The following SPEF2 variants were observed in gnomAD, a reference collection of about 807,000 sequenced individuals.
SPEF2 encodes the protein sperm flagella and cilia-associated protein 2.
In SPEF2, 187 loss-of-function variants were observed where a neutral mutation model predicts 224.6. That is an observed-to-expected ratio of 0.83 (90% confidence interval 0.74 to 0.94). The LOEUF (loss-of-function observed/expected upper bound fraction) is 0.94, where lower values mean the gene tolerates loss of function less well. Among genes scored for constraint, SPEF2 ranks in the 40% least tolerant of loss-of-function variants. The pLI is 0.00. For missense variants in SPEF2, 2,170 were observed against 2,135.6 expected, an observed-to-expected ratio of 1.02 and a Z score of -0.32; for synonymous variants, 715 against 707.3, an observed-to-expected ratio of 1.01 and a Z score of -0.17.
intron 10 of SPEF2, among the ~76,000 whole-genome samples, chr5:35,671,796 A>G (rs1751248532): frequency 6.6e-6 from 1 of 151,910 alleles, no homozygotes; most frequent in Non-Finnish European, 1.5e-5. Context: ...AGAAAATTGT[A>G]AACTTTTGTT....
At chr5:35,709,552 A>G (rs944901149) in intron 19 of SPEF2, 5 of 987,078 alleles carry the variant, frequency 5.1e-6, no homozygotes, top group African/African-American at 3.5e-5. Context: ...AACAGCAACC[A>G]TTAGAACTAG....
At position 35,780,547 on chromosome 5, in the gene SPEF2, C is replaced by T. The variant is rs185572676; in HGVS notation, c.4447+1201C>T. On this transcript the variant is annotated intron_variant, in intron 30 of 36. Coordinates refer to ENST00000356031, the MANE Select transcript of SPEF2 (RefSeq NM_024867.4). The stretch of plus-strand genomic sequence containing the variant: ...GGCCATCAGCAGGTACAAAAAATCT[C>T]GACTTTACAAATCAGTCCATGAAAT... Among the ~76,000 whole-genome samples the T allele has an allele frequency of 5.3e-5, 8 of 152,294 alleles. No homozygotes were observed. In the South Asian group the frequency reaches 8.3e-4, roughly 16 times the overall value.
chr5:35,762,046 A>G (rs1160462322), intron 25 of SPEF2, among the ~76,000 whole-genome samples: 3 of 152,222 alleles, frequency 2.0e-5, no homozygotes, highest in Non-Finnish European at 2.9e-5. Flanking sequence ...CAACAACCCT[A>G]TAGCAATAAT....
chr5:35,635,843 CT>C (rs1213170813), intron 2 of SPEF2, among the ~76,000 whole-genome samples: 1 of 151,548 alleles, frequency 6.6e-6, no homozygotes, highest in East Asian at 1.9e-4. Flanking sequence ...GTGTGCTGCA[CT>C]TTTTTTTTCT....
chr5:35,724,295 A>G (rs1744254507), intron 20 of SPEF2, among the ~76,000 whole-genome samples: 1 of 152,182 alleles, frequency 6.6e-6, no homozygotes, highest in South Asian at 2.1e-4. Flanking sequence ...CAATAATGTT[A>G]CAATTGTTTA....
At chr5:35,625,712 G>A (rs1264041729) in intron 1 of SPEF2, among the ~76,000 whole-genome samples, 1 of 152,124 alleles carries the variant, frequency 6.6e-6, no homozygotes. Flanking sequence ...GAAGGGAAGA[G>A]GCAGACAGAA....
At chr5:35,802,431 G>A (rs1170135597) in intron 34 of SPEF2, among the ~76,000 whole-genome samples, 1 of 152,144 alleles carries the variant, frequency 6.6e-6, no homozygotes, top group Non-Finnish European at 1.5e-5. Flanking sequence ...TCGGGGGTAT[G>A]GCAGTGAACA....
rs1268366158 is a variant in SPEF2 at position 35,807,110 on chromosome 5, CA to C, written c.5257-20del. 2.5e-6 allele frequency: 4 copies of C among 1,597,716 alleles called. No individual in the cohort carries two copies. The African/African-American group carries it at 4.1e-5, about 16-fold the overall frequency. ...ACTGGATTGTGAGGTTGATTAACTT[CA>C]TTTTTTTTCTTCCTTAAAGGGCTTC... On this transcript the variant is annotated intron_variant, in intron 35 of 36. Transcript: ENST00000356031.
intron 8 of SPEF2, among the ~76,000 whole-genome samples, chr5:35,663,866 A>T (rs1750066611): frequency 6.6e-6 from 1 of 152,168 alleles, no homozygotes; most frequent in African/African-American, 2.4e-5. Context: ...TTGAGACCTC[A>T]GCTACTGCAG....
intron 5 of SPEF2, among the ~76,000 whole-genome samples, chr5:35,648,125 C>T (rs901752366): frequency 1.6e-4 from 24 of 152,074 alleles, no homozygotes; most frequent in African/African-American, 5.6e-4. Flanking sequence ...TTTCCCATTT[C>T]GTAGATGAGG....
chr5:35,696,437 G>T (rs1476146026), intron 14 of SPEF2, among the ~76,000 whole-genome samples: 6 of 152,046 alleles, frequency 3.9e-5, no homozygotes, highest in Non-Finnish European at 8.8e-5. Flanking sequence ...AGGGAAATGG[G>T]TTCAGAAAAA....
intron 1 of SPEF2, among the ~76,000 whole-genome samples, chr5:35,619,695 A>AAAAC (rs149277440): frequency 4.4e-4 from 67 of 152,000 alleles, no homozygotes; most frequent in African/African-American, 1.5e-3. Flanking sequence ...AACAAAAAAC[A>AAAAC]AAACAAACAA....
chr5:35,708,966 A>G lies in SPEF2; in HGVS notation c.2684A>G (p.Glu895Gly), dbSNP rs369360902. 3.1e-6 allele frequency: 5 copies of G among 1,610,096 alleles called. No homozygotes were observed. The highest frequency in any genetic ancestry group is 4.2e-6 in the Non-Finnish European group (5 of 1,179,132). ...KKNKVEKKLE[E>G]KEAEKKAAAS... ...TTTGAAGTTGAGAAGAAATTAGAAG[A>G]AAAGGAAGCTGAGAAAAAAGCAGCA... The change falls in exon 19 of 37, where the codon GAA becomes GGA. Residue 895 changes from glutamate (E) to glycine (G), a missense_variant. Transcript: ENST00000356031.
chr5:35,671,747 C>T (rs879913281), intron 10 of SPEF2, among the ~76,000 whole-genome samples: 1 of 151,862 alleles, frequency 6.6e-6, no homozygotes, highest in Non-Finnish European at 1.5e-5. Context: ...ACATGCTTGT[C>T]TTACCCACAT....
chr5:35,645,185 T>C (rs571146554), intron 4 of SPEF2, among the ~76,000 whole-genome samples: 1 of 152,246 alleles, frequency 6.6e-6, no homozygotes, highest in East Asian at 1.9e-4. Context: ...ATGGAATGTG[T>C]AAACTACAGG....
At chr5:35,726,780 T>G (rs1173740007) in intron 20 of SPEF2, among the ~76,000 whole-genome samples, 1 of 152,016 alleles carries the variant, frequency 6.6e-6, no homozygotes, top group Non-Finnish European at 1.5e-5. Flanking sequence ...TTAAACGGAG[T>G]GAATTTCCAA....
chr5:35,668,681 T>C (rs1750851916), intron 9 of SPEF2, among the ~76,000 whole-genome samples: 1 of 152,164 alleles, frequency 6.6e-6, no homozygotes, highest in Non-Finnish European at 1.5e-5. Flanking sequence ...TGGATCTCCA[T>C]ATTTTAAAAA....
intron 24 of SPEF2, among the ~76,000 whole-genome samples, 183 bp from the exon 25 acceptor site, chr5:35,759,385 A>G (rs1375811765): frequency 6.6e-6 from 1 of 152,218 alleles, no homozygotes; most frequent in Non-Finnish European, 1.5e-5. Flanking sequence ...CAAAGTCACT[A>G]GTTATCTTTA....
chr5:35,788,071 GA>G (rs1281950947), intron 30 of SPEF2: 1 of 702,816 alleles, frequency 1.4e-6, no homozygotes, highest in Non-Finnish European at 2.6e-6. Context: ...GAAGTCAAGT[GA>G]ATTTTTTTTA....
Sources: gnomAD v4.1 joint callset for allele counts (sites outside exome capture counted in the v4.1 genomes callset) on GRCh38, gnomAD v4.1.1 for gene constraint, MANE v1.5 for transcripts, NCBI Gene and HGNC (gene_info 2026-07-23, HGNC 2026-07-21) for gene names.